Variants in FAM186B observed in about 807,000 individuals in gnomAD.
FAM186B encodes protein FAM186B.
In FAM186B, 68 loss-of-function variants were observed where a neutral mutation model predicts 83.4. The observed-to-expected ratio is 0.81, with a 90% CI of 0.67 to 1.00. The LOEUF is 1.00. Ranked by LOEUF, FAM186B falls within the 50% of genes least tolerant of loss-of-function variation. The pLI is 0.00. For synonymous variants in FAM186B, 389 were observed against 422.0 expected, an observed-to-expected ratio of 0.92 and a Z score of 0.96; for missense variants, 983 against 1,099.2, an observed-to-expected ratio of 0.89 and a Z score of 1.49.
chr12:49,613,714 C>T, the FAM186B span, among the ~76,000 whole-genome samples: 1 of 151,574 alleles, frequency 6.6e-6, no homozygotes, highest in Non-Finnish European at 1.5e-5. Context: ...TGGCATGTAC[C>T]TGTAGTTCCA....
chr12:49,587,045 T>C (rs1939460227), downstream of FAM186B, among the ~76,000 whole-genome samples: 1 of 152,150 alleles, frequency 6.6e-6, no homozygotes, highest in African/African-American at 2.4e-5. Context: ...AAAAGAGCCT[T>C]GAGCCTCCAG....
In FAM186B at chr12:49,591,379, T is replaced by A. The variant is rs61122194; in HGVS notation, c.2365-2756A>T. On this transcript the variant is annotated intron_variant, in intron 5 of 6. Coordinates refer to ENST00000257894, the MANE Select transcript of FAM186B (RefSeq NM_032130.3). ...CAGAACCATCCTCAGAGCTCATATATCCCTGGGAAGAGTTTGTGTTTACAT... is the reference window on the plus strand; with the variant it reads ...CAGAACCATCCTCAGAGCTCATATAACCCTGGGAAGAGTTTGTGTTTACAT... Among the ~76,000 whole-genome samples, 1,128 of 152,134 alleles carry A rather than the reference T, an allele frequency of 7.4e-3. 12 individuals are homozygous for A. The highest frequency in any genetic ancestry group is 0.026 in the African/African-American group (1,062 of 41,518).
At chr12:49,620,527 T>G in the FAM186B span, among the ~76,000 whole-genome samples, 2 of 149,212 alleles carry the variant, frequency 1.3e-5, no homozygotes, top group Admixed American at 6.7e-5. Context: ...AAAAAAAAAG[T>G]GCATGGAATA....
intron 2 of FAM186B, among the ~76,000 whole-genome samples, chr12:49,603,995 G>T (rs1939954502): frequency 6.6e-6 from 1 of 152,160 alleles, no homozygotes; most frequent in Non-Finnish European, 1.5e-5. Flanking sequence ...TGCAGTAAAG[G>T]TCATTCAGTG....
At chr12:49,605,753 C>A, upstream of FAM186B, 2 of 228,288 alleles carry the variant, frequency 8.8e-6, no homozygotes, top group Non-Finnish European at 8.0e-6. Context: ...GACTTGTTGC[C>A]TTTTCTTTTT....
downstream of FAM186B, chr12:49,583,095 C>T (rs1939370331): frequency 2.2e-6 from 1 of 456,148 alleles, no homozygotes; most frequent in African/African-American, 2.0e-5. Flanking sequence ...GCCCCTTAAG[C>T]ACAGTGCCAA....
At chr12:49,588,646 A>G (rs754386661) in intron 5 of FAM186B, 23 bp from the exon 6 acceptor site, 2 of 1,544,438 alleles carry the variant, frequency 1.3e-6, no homozygotes, top group African/African-American at 1.4e-5. Context: ...GCAGAGAGGC[A>G]TCAGGGAAAC....
Position 49,605,581 on chromosome 12 carries a change from TG to T in FAM186B, c.-105del. On this transcript the variant is annotated 5_prime_UTR_variant, in exon 1 of 7. Coordinates refer to ENST00000257894, the MANE Select transcript of FAM186B (RefSeq NM_032130.3). ...AGGTTAAGGGCACCAGGGTGTCTCC[TG>T]GGTACCCTCTGCCCAGGCACAGCTC... The T allele has an allele frequency of 7.8e-7, 1 of 1,278,876 alleles. No individual in the cohort carries two copies. Among genetic ancestry groups the T allele is most frequent in the Admixed American group, 2.4e-5 (1 of 41,870 alleles). The allele number at this position is 1,278,876 out of a possible 1,614,324, so 79.2% of individuals were successfully genotyped here.
In FAM186B at chr12:49,598,825, G is replaced by T. The variant is rs372798733; in HGVS notation, c.2294C>A (p.Thr765Lys). The change falls in exon 5 of 7, where the codon ACG becomes AAG. Residue 765 changes from threonine to lysine, a missense_variant. Transcript: ENST00000257894. ...RLQSLRLQAW[T>K]DKQKGLEEKH... is the part of the protein sequence containing the mutation. ...CTCCTCCAGCCCCTTCTGCTTGTCC[G>T]TCCAGGCCTGCAGCCTGAGACTCTG... 1.2e-6 allele frequency: 2 copies of T among 1,612,920 alleles called. No individual in the cohort carries two copies. Among genetic ancestry groups the T allele is most frequent in the African/African-American group, 1.3e-5 (1 of 74,520 alleles).
At chr12:49,587,110 A>G (rs1256023469), downstream of FAM186B, among the ~76,000 whole-genome samples, 1 of 152,218 alleles carries the variant, frequency 6.6e-6, no homozygotes, top group Non-Finnish European at 1.5e-5. Flanking sequence ...TCTAACCAGA[A>G]AAGCCTCTTG....
At chr12:49,589,585 T>C (rs1178625311) in intron 5 of FAM186B, among the ~76,000 whole-genome samples, 2 of 152,110 alleles carry the variant, frequency 1.3e-5, no homozygotes, top group African/African-American at 2.4e-5. Flanking sequence ...AATTCTAATT[T>C]GCTGGGTTCC....
chr12:49,606,725 G>A (rs1341243916), upstream of FAM186B, among the ~76,000 whole-genome samples: 1 of 152,070 alleles, frequency 6.6e-6, no homozygotes. Flanking sequence ...GTTGATAGAA[G>A]TAGCAAAAAA....
intron 5 of FAM186B, among the ~76,000 whole-genome samples, chr12:49,593,643 A>AAAAAAAAAG (rs61115320): frequency 6.7e-6 from 1 of 150,164 alleles, no homozygotes; most frequent in Non-Finnish European, 1.5e-5. Context: ...AAAAAAAAAA[A>AAAAAAAAAG]AAAGAAAAGA....
chr12:49,617,969 G>T, the FAM186B span, among the ~76,000 whole-genome samples: 2,548 of 152,278 alleles, frequency 0.017, 65 homozygotes, highest in African/African-American at 0.058. Context: ...CCAGAGATGG[G>T]CAATCTCCTC....
At chr12:49,598,994 A>G (rs1488978299) in intron 4 of FAM186B, 47 bp from the exon 5 acceptor site, 1 of 1,572,188 alleles carries the variant, frequency 6.4e-7, no homozygotes, top group East Asian at 2.2e-5. Flanking sequence ...GGCCTCCTCT[A>G]TCCCCCAAGT....
chr12:49,588,931 C>T (rs1781875647), intron 5 of FAM186B, among the ~76,000 whole-genome samples: 1 of 152,202 alleles, frequency 6.6e-6, no homozygotes, highest in African/African-American at 2.4e-5. Flanking sequence ...GAGAGCAGCT[C>T]CAGGCAGGGT....
the FAM186B span, among the ~76,000 whole-genome samples, chr12:49,621,345 T>G: frequency 5.9e-5 from 9 of 152,288 alleles, no homozygotes; most frequent in South Asian, 1.9e-3. Context: ...CACTCCAGCC[T>G]GGGCAACAAG....
the FAM186B span, among the ~76,000 whole-genome samples, chr12:49,611,845 G>A: frequency 1.0e-4 from 15 of 145,702 alleles, no homozygotes; most frequent in South Asian, 2.2e-4. Flanking sequence ...ACGAAAGAGC[G>A]AAACTCCATC....
the FAM186B span, among the ~76,000 whole-genome samples, chr12:49,610,802 A>G: frequency 1.3e-5 from 2 of 151,884 alleles, no homozygotes; most frequent in Non-Finnish European, 2.9e-5. Flanking sequence ...AAAAAAAAAA[A>G]AAAAGAAAAA....
Sources: allele counts gnomAD v4.1 joint callset (sites outside exome capture counted in the v4.1 genomes callset), GRCh38; gene constraint gnomAD v4.1.1; transcripts MANE v1.5; gene names NCBI Gene and HGNC (gene_info 2026-07-23, HGNC 2026-07-21).